ZNF536: variants seen among roughly 807,000 people sequenced by gnomAD.
ZNF536 encodes zinc finger protein 536.
ZNF536 carries 13 observed loss-of-function variants against 84.5 expected under a neutral mutation model. The observed-to-expected ratio is 0.15, with a 90% CI of 0.10 to 0.24. ZNF536 has a LOEUF of 0.24. Among genes scored for constraint, ZNF536 ranks in the 10% least tolerant of loss-of-function variants. The pLI, the probability that ZNF536 is intolerant of heterozygous loss-of-function variation, is 1.00. For missense variants in ZNF536, 1,536 were observed against 1,747.5 expected (o/e 0.88, Z 2.16); for synonymous variants, 811 against 742.5 (o/e 1.09, Z -1.50).
chr19:30,445,315 A>G lies in ZNF536; in HGVS notation c.1753A>G (p.Ser585Gly), dbSNP rs2148219927. 6.2e-7 allele frequency: 1 copy of G among 1,614,200 alleles called. No individual in the cohort carries two copies. Among genetic ancestry groups the G allele is most frequent in the East Asian group, 2.2e-5 (1 of 44,852 alleles). ...GAAAATGCCTGCTGATTTGGTTCAC[A>G]GCACTAAAGTGGGCAGCCAGAGAGA... ...KQKMPADLVH[S>G]TKVGSQRDLP... is the part of the protein sequence containing the mutation. Residue 585 changes from serine (S) to glycine (G), a missense_variant, in exon 2 of 5, where the codon AGC becomes GGC. Physicochemically the swap from Ser to Gly is moderately conservative, Grantham distance 56. Transcript: ENST00000355537. The surrounding 1 kb of genome is among the most constrained non-coding windows in gnomAD (Gnocchi z 4.5).
rs1555771905 is a variant in ZNF536 at position 30,236,531 on chromosome 19, G to GGA, written c.-190+7859_-190+7860insAG. Reference sequence around the variant, plus strand: ...AAAAGCTTTTGTTAAAGTTGGGGCGGGGGGGGGGTACAATTGGAATTTTAG... The same window carrying GGA: ...AAAAGCTTTTGTTAAAGTTGGGGCGGGAGGGGGGGGTACAATTGGAATTTTAG... On this transcript the variant is annotated intron_variant, in intron 1 of 5. Coordinates refer to the ZNF536 transcript ENST00000585628. 5.0e-5 allele frequency among the ~76,000 whole-genome samples: 7 copies of GGA among 139,194 alleles called. No homozygotes were observed. In the East Asian group the frequency reaches 1.4e-3, roughly 29 times the overall value. 91.3% of individuals were successfully genotyped at this position (139,194 alleles called of 152,430 possible).
intron 1 of ZNF536, among the ~76,000 whole-genome samples, chr19:30,647,324 A>G (rs1371579226): frequency 6.6e-6 from 1 of 152,172 alleles, no homozygotes; most frequent in Non-Finnish European, 1.5e-5. Context: ...GGTGTTGCAT[A>G]AGGGCTCTTG....
chr19:30,583,512 G>T (rs987246623), intron 1 of ZNF536, among the ~76,000 whole-genome samples: 4 of 152,210 alleles, frequency 2.6e-5, no homozygotes, highest in African/African-American at 9.6e-5. Flanking sequence ...TGGTGTGTGT[G>T]TATGTATGGG....
rs149146231 is a variant in ZNF536, at chr19:30,495,078, C to T, written c.2171-39769C>T. Among the ~76,000 whole-genome samples, 16 of 152,204 alleles carry T rather than the reference C, an allele frequency of 1.1e-4. No homozygotes were observed. The East Asian group carries it at 2.9e-3, about 28-fold the overall frequency. ...AACTGTGAGTTAGGCTAAGAGTCAG[C>T]AGACCCAGGTCTTGGCTTCACTATT... On this transcript the variant is annotated intron_variant, in intron 2 of 4. Coordinates refer to ENST00000355537, the MANE Select transcript of ZNF536 (RefSeq NM_014717.3).
intron 1 of ZNF536, among the ~76,000 whole-genome samples, chr19:30,629,020 G>C (rs548037500): frequency 6.6e-6 from 1 of 152,052 alleles, no homozygotes; most frequent in East Asian, 1.9e-4. Context: ...CACTTTTAAA[G>C]CACCTACCGA....
At chr19:30,539,832 G>A (rs915595984) in intron 3 of ZNF536, among the ~76,000 whole-genome samples, 23 of 152,294 alleles carry the variant, frequency 1.5e-4, no homozygotes, top group Admixed American at 1.0e-3. Flanking sequence ...GCGTGGCTGC[G>A]GGACTCCTGG....
At chr19:30,231,300 A>C (rs1026203532) in intron 1 of ZNF536, among the ~76,000 whole-genome samples, 1 of 152,222 alleles carries the variant, frequency 6.6e-6, no homozygotes, top group African/African-American at 2.4e-5. Flanking sequence ...GTGAGGCCTT[A>C]GATTTCGGCT....
chr19:30,708,291 A>C (rs1029575657), intron 1 of ZNF536, among the ~76,000 whole-genome samples: 1 of 152,180 alleles, frequency 6.6e-6, no homozygotes, highest in African/African-American at 2.4e-5. Context: ...TTTCAGAGAG[A>C]GGGTAGACAA....
At chr19:30,581,132 T>A (rs1025610024) in intron 1 of ZNF536, among the ~76,000 whole-genome samples, 1 of 152,298 alleles carries the variant, frequency 6.6e-6, no homozygotes, top group South Asian at 2.1e-4. Context: ...GAAAAAGAAA[T>A]AATAGTCAAC....
chr19:30,614,873 G>A (rs976481719), intron 1 of ZNF536, among the ~76,000 whole-genome samples: 3 of 147,944 alleles, frequency 2.0e-5, no homozygotes, highest in Non-Finnish European at 3.0e-5. Context: ...TCACGTTATG[G>A]CATCTATGAC....
chr19:30,582,732 G>A (rs946176832), intron 1 of ZNF536, among the ~76,000 whole-genome samples: 2 of 152,100 alleles, frequency 1.3e-5, no homozygotes, highest in African/African-American at 4.8e-5. Context: ...GTCTTACATG[G>A]CAGCAGACAA....
chr19:30,478,040 A>G (rs2053920672), intron 2 of ZNF536, among the ~76,000 whole-genome samples: 1 of 152,112 alleles, frequency 6.6e-6, no homozygotes, highest in Non-Finnish European at 1.5e-5. Context: ...CCTTAGCTCC[A>G]CCACTCTGCA....
chr19:30,278,542 G>A (rs934252036), intron 1 of ZNF536, among the ~76,000 whole-genome samples: 2 of 152,182 alleles, frequency 1.3e-5, no homozygotes, highest in Non-Finnish European at 2.9e-5. Flanking sequence ...GCCCCAAGAT[G>A]TCAGGGCATC....
intron 2 of ZNF536, among the ~76,000 whole-genome samples, chr19:30,348,371 A>AT (rs1221238184): frequency 7.9e-5 from 12 of 152,152 alleles, no homozygotes; most frequent in South Asian, 2.1e-4. Context: ...CCTAAGAGGC[A>AT]TTTTTTTGTG....
intron 1 of ZNF536, among the ~76,000 whole-genome samples, chr19:30,691,289 G>T (rs1252142919): frequency 6.6e-6 from 1 of 152,146 alleles, no homozygotes; most frequent in Admixed American, 6.5e-5. Flanking sequence ...GGCAGACTTT[G>T]CATCAGGGCG....
chr19:30,430,916 T>A (rs2051428913), intron 1 of ZNF536, among the ~76,000 whole-genome samples: 1 of 152,234 alleles, frequency 6.6e-6, no homozygotes, highest in South Asian at 2.1e-4. Context: ...TCTCAAGTGA[T>A]CCACCTGCCT....
Position 30,381,720 on chromosome 19 carries a change from C to T in ZNF536, c.-3+9164C>T, listed in dbSNP as rs547029713. On this transcript the variant is annotated intron_variant, in intron 1 of 4. Coordinates refer to ENST00000355537, the MANE Select transcript of ZNF536 (RefSeq NM_014717.3). ...TAGGAAGCCTCAAAGGGTATGGATG[C>T]GGGGTGGTTGATGGGGAACGTTGTA... 9.2e-5 allele frequency among the ~76,000 whole-genome samples: 14 copies of T among 152,206 alleles called. No individual in the cohort carries two copies. In the East Asian group the frequency reaches 1.2e-3, roughly 13 times the overall value.
chr19:30,474,184 C>T (rs941042262), intron 2 of ZNF536, among the ~76,000 whole-genome samples: 10 of 152,218 alleles, frequency 6.6e-5, no homozygotes, highest in East Asian at 1.9e-4. Flanking sequence ...TGGATGTTGA[C>T]GCCATGTGGT....
chr19:30,434,771 G>C (rs895793470), intron 1 of ZNF536, among the ~76,000 whole-genome samples: 3 of 152,030 alleles, frequency 2.0e-5, no homozygotes, highest in African/African-American at 7.2e-5. Context: ...TAATGATGAT[G>C]ATGGTGGTGG....
Sources: allele counts gnomAD v4.1 joint callset (sites outside exome capture counted in the v4.1 genomes callset), GRCh38; gene constraint gnomAD v4.1.1; non-coding constraint Gnocchi (gnomAD v3.1); transcripts MANE v1.5; gene names NCBI Gene and HGNC (gene_info 2026-07-23, HGNC 2026-07-21).